Variants in RBFOX1 observed in about 807,000 individuals in gnomAD.
RBFOX1 encodes the protein RNA binding fox-1 homolog 1.
A neutral mutation model predicts 57.7 loss-of-function variants in RBFOX1; 8 were observed. The observed-to-expected ratio is 0.14, with a 90% CI of 0.08 to 0.25. The LOEUF (loss-of-function observed/expected upper bound fraction) is 0.25. RBFOX1 is among the 10% of genes least tolerant of loss of function. RBFOX1 has a pLI of 1.00. For missense variants in RBFOX1, 611 were observed against 548.5 expected (o/e 1.11, Z -1.14); for synonymous variants, 326 against 222.4 (o/e 1.47, Z -4.15).
chr16:7,007,792 C>G (rs2093388172), intron 3 of RBFOX1, among the ~76,000 whole-genome samples: 1 of 152,178 alleles, frequency 6.6e-6, no homozygotes, highest in African/African-American at 2.4e-5. Context: ...TGGGGTAAGG[C>G]TGCTGCCATT....
At chr16:5,457,420 C>A (rs1270121609) in intron 1 of RBFOX1, among the ~76,000 whole-genome samples, 1 of 152,170 alleles carries the variant, frequency 6.6e-6, no homozygotes, top group African/African-American at 2.4e-5. Context: ...CAAGTGTGAG[C>A]CCCTGCACCC....
intron 1 of RBFOX1, among the ~76,000 whole-genome samples, chr16:6,086,642 C>G (rs2096089137): frequency 6.6e-6 from 1 of 152,152 alleles, no homozygotes; most frequent in Non-Finnish European, 1.5e-5. Context: ...TATATCTGAA[C>G]TCATATCAGG....
intron 1 of RBFOX1, among the ~76,000 whole-genome samples, chr16:5,411,571 A>C (rs1290167637): frequency 6.6e-6 from 1 of 152,196 alleles, no homozygotes; most frequent in Admixed American, 6.5e-5. Context: ...GTTTGAAGAC[A>C]CTAAGTTTGT....
intron 4 of RBFOX1, among the ~76,000 whole-genome samples, chr16:7,277,510 A>G (rs2141029305): frequency 6.6e-6 from 1 of 152,360 alleles, no homozygotes; most frequent in Admixed American, 6.5e-5. Context: ...TTGTTAGTGT[A>G]GCTAGTGGTA....
chr16:6,252,547 G>C (rs566559156), intron 1 of RBFOX1, among the ~76,000 whole-genome samples: 19 of 152,272 alleles, frequency 1.2e-4, no homozygotes, highest in Non-Finnish European at 1.9e-4. Context: ...AAAAGCCCCA[G>C]TTGGCCAGAA....
chr16:7,430,784 C>G (rs545973297), intron 4 of RBFOX1, among the ~76,000 whole-genome samples: 1 of 152,154 alleles, frequency 6.6e-6, no homozygotes, highest in Admixed American at 6.5e-5. Flanking sequence ...GGTCGTCTTG[C>G]TACCTGGATG....
chr16:6,501,128 A>ATT (rs1555507314), intron 2 of RBFOX1, among the ~76,000 whole-genome samples: 1 of 116,406 alleles, frequency 8.6e-6, no homozygotes, highest in Admixed American at 8.3e-5. Context: ...CCAGTTAAAC[A>ATT]TTCTTTTTTT....
In RBFOX1 at chr16:5,277,189, A is replaced by G. The variant is rs191123745; in HGVS notation, c.219+37084A>G. Among the ~76,000 whole-genome samples, 289 of 152,282 alleles carry G rather than the reference A, an allele frequency of 1.9e-3. 2 individuals are homozygous for G. The Middle Eastern group carries it at 0.044, about 23-fold the overall frequency. On this transcript the variant is annotated intron_variant, in intron 1 of 2. Transcript: ENST00000585867. ...GATGGAGTTGGAGAGCATTATTCTA[A>G]ATGAAGTAACTCAGGAATGGAAAAA... is the stretch of plus-strand genomic sequence containing the variant.
rs554745814 is a variant in RBFOX1, at chr16:7,357,004, T to C, written c.28-161143T>C. On this transcript the variant is annotated intron_variant, in intron 4 of 15. Coordinates refer to ENST00000550418, the MANE Select transcript of RBFOX1 (RefSeq NM_018723.4). ...CTGAGGGCCCCTCTGTGCTTGGCCA[T>C]TTCACACCAGCAGAAAGCTTTTGGG... 4.6e-5 allele frequency among the ~76,000 whole-genome samples: 7 copies of C among 152,312 alleles called. 2 individuals are homozygous for C. Among genetic ancestry groups the C allele is most frequent in the African/African-American group, 1.7e-4 (7 of 41,566 alleles).
chr16:6,337,652 C>G (rs558452906), intron 2 of RBFOX1, among the ~76,000 whole-genome samples: 2 of 152,304 alleles, frequency 1.3e-5, no homozygotes, highest in Admixed American at 6.5e-5. Context: ...CTTATTGTCT[C>G]TGTTTTCTCT....
In RBFOX1 at chr16:6,772,551, G is replaced by A. The variant is rs557428811; in HGVS notation, c.-16+117901G>A. Among the ~76,000 whole-genome samples, 33 of 151,690 alleles carry A rather than the reference G, an allele frequency of 2.2e-4. 1 individual carries two copies. Among genetic ancestry groups the A allele is most frequent in the South Asian group, 4.2e-4 (2 of 4,798 alleles). On this transcript the variant is annotated intron_variant, in intron 3 of 15. Transcript: ENST00000550418. The stretch of plus-strand genomic sequence containing the variant: ...ATGGGGCGCATTTGTGAGTGTATGT[G>A]TATGTGTGGGGTGCATTTGTGTGTG...
chr16:7,199,966 G>T (rs2087888563), intron 4 of RBFOX1, among the ~76,000 whole-genome samples: 1 of 152,116 alleles, frequency 6.6e-6, no homozygotes, highest in African/African-American at 2.4e-5. Context: ...AACGTGTTGG[G>T]GAACACTTTT....
chr16:5,574,538 C>A (rs1291518260), intron 2 of RBFOX1, among the ~76,000 whole-genome samples: 1 of 151,984 alleles, frequency 6.6e-6, no homozygotes, highest in East Asian at 1.9e-4. Flanking sequence ...GCCTCAGCCT[C>A]CCGAGTAGCT....
At chr16:5,733,597 G>T (rs1451083652) in intron 3 of RBFOX1, among the ~76,000 whole-genome samples, 1 of 152,098 alleles carries the variant, frequency 6.6e-6, no homozygotes, top group Non-Finnish European at 1.5e-5. Flanking sequence ...AGTCAGCATG[G>T]TCACCTAGTC....
intron 2 of RBFOX1, among the ~76,000 whole-genome samples, chr16:6,632,214 C>G (rs1009171621): frequency 2.7e-4 from 41 of 151,922 alleles, no homozygotes; most frequent in Admixed American, 1.0e-3. Context: ...AGAAGGAAAG[C>G]TGGAAGAACT....
At chr16:7,131,836 C>G (rs573650191) in intron 4 of RBFOX1, among the ~76,000 whole-genome samples, 14 of 151,982 alleles carry the variant, frequency 9.2e-5, no homozygotes, top group Admixed American at 4.6e-4. Context: ...TTCCCTACAT[C>G]TAAACATCCA....
intron 4 of RBFOX1, among the ~76,000 whole-genome samples, chr16:7,205,403 A>C (rs2089722100): frequency 6.6e-6 from 1 of 151,886 alleles, no homozygotes; most frequent in Non-Finnish European, 1.5e-5. Context: ...CTGTAATCCC[A>C]GCTACTCGGG....
chr16:5,674,722 T>A (rs2050114453), intron 3 of RBFOX1, among the ~76,000 whole-genome samples: 1 of 152,196 alleles, frequency 6.6e-6, no homozygotes, highest in Non-Finnish European at 1.5e-5. Context: ...TTGATTCAAG[T>A]TCTATTTGGT....
chr16:5,818,662 T>A (rs1412784963), intron 3 of RBFOX1, among the ~76,000 whole-genome samples: 1 of 152,218 alleles, frequency 6.6e-6, no homozygotes, highest in Non-Finnish European at 1.5e-5. Context: ...CAAAAAGTTG[T>A]CAGCATGGGA....
Sources: gnomAD v4.1 joint callset for allele counts (sites outside exome capture counted in the v4.1 genomes callset) on GRCh38, gnomAD v4.1.1 for gene constraint, MANE v1.5 for transcripts, NCBI Gene and HGNC (gene_info 2026-07-23, HGNC 2026-07-21) for gene names.